The following RPS6KA2 variants were observed in gnomAD, a reference collection of about 807,000 sequenced individuals.
RPS6KA2 encodes ribosomal protein S6 kinase A2.
Under a neutral mutation model 91.8 loss-of-function variants are expected in RPS6KA2, and 42 were observed. That is an observed-to-expected ratio of 0.46 (90% CI 0.36 to 0.59). The LOEUF (loss-of-function observed/expected upper bound fraction) is 0.59, where lower values mean the gene tolerates loss of function less well. Among genes scored for constraint, RPS6KA2 ranks in the 20% least tolerant of loss-of-function variants. The pLI, the probability that RPS6KA2 is intolerant of heterozygous loss-of-function variation, is 0.00. For synonymous variants in RPS6KA2, 414 were observed against 393.6 expected, an observed-to-expected ratio of 1.05 and a Z score of -0.61; for missense variants, 798 against 978.5, an observed-to-expected ratio of 0.82 and a Z score of 2.46.
At chr6:166,580,434 G>A (rs1433088122) in intron 1 of RPS6KA2, among the ~76,000 whole-genome samples, 1 of 152,138 alleles carries the variant, frequency 6.6e-6, no homozygotes, top group Non-Finnish European at 1.5e-5. Context: ...CATTGTCTTG[G>A]GCCACACATA....
Position 166,733,041 on chromosome 6 carries a change from G to C in RPS6KA2, c.123+125159C>G. ...TTGCATCGGATTTCTGGAGGTTTGG[G>C]ACCCTCTTTGCAGAAGCTTTCACGA... On this transcript the variant is annotated intron_variant, in intron 2 of 21. Transcript: ENST00000503859. The surrounding 1 kb of genome is among the most constrained non-coding windows in gnomAD (Gnocchi z 4.1). Among the ~76,000 whole-genome samples, 1 of 152,148 alleles carries C rather than the reference G, an allele frequency of 6.6e-6. No homozygotes were observed. Among genetic ancestry groups the C allele is most frequent in the East Asian group, 1.9e-4 (1 of 5,190 alleles).
At chr6:166,438,694 C>T (rs1462643835) in intron 14 of RPS6KA2, among the ~76,000 whole-genome samples, 2 of 152,158 alleles carry the variant, frequency 1.3e-5, no homozygotes, top group Admixed American at 1.3e-4. Context: ...TGAACAGGCA[C>T]GTATATTGGT....
At chr6:166,727,676 G>A (rs1409295085) in intron 2 of RPS6KA2, among the ~76,000 whole-genome samples, 1 of 152,096 alleles carries the variant, frequency 6.6e-6, no homozygotes, top group Non-Finnish European at 1.5e-5. Context: ...TAAAGCACCA[G>A]CACCCTAAGT....
chr6:166,461,252 A>G (rs1780277296), intron 11 of RPS6KA2, among the ~76,000 whole-genome samples: 1 of 152,040 alleles, frequency 6.6e-6, no homozygotes, highest in Non-Finnish European at 1.5e-5. Flanking sequence ...TCTTCAAGCC[A>G]TTTTCAGAAA....
At position 166,719,022 on chromosome 6, in the gene RPS6KA2, G is replaced by A. The variant is rs139457181; in HGVS notation, c.123+139178C>T. Among the ~76,000 whole-genome samples the A allele has an allele frequency of 2.0e-3, 299 of 152,306 alleles. 1 individual carries two copies. The highest frequency in any genetic ancestry group is 6.3e-3 in the Admixed American group (97 of 15,298). ...AAGGCCAATATACTTGGCACCAGCC[G>A]GCAAACTTTTCTCTACATGTACAGG... On this transcript the variant is annotated intron_variant, in intron 2 of 21. Coordinates refer to the RPS6KA2 transcript ENST00000503859.
chr6:166,647,019 G>A (rs1358248609), intron 2 of RPS6KA2, among the ~76,000 whole-genome samples: 3 of 152,264 alleles, frequency 2.0e-5, no homozygotes, highest in South Asian at 4.1e-4. Flanking sequence ...AGAGCCACAG[G>A]TCCCAAAGCC....
chr6:166,412,783 T>A lies in RPS6KA2; in HGVS notation c.2181A>T (p.Arg727Ser). 1 of 1,598,124 alleles carries A rather than the reference T, an allele frequency of 6.3e-7. No individual in the cohort carries two copies. Among genetic ancestry groups the A allele is most frequent in the Admixed American group, 1.7e-5 (1 of 57,542 alleles). ...CCCGCTACAGCCGCGTGGACGTGAG[T>A]CTCTTCATGCCTCTGCGCTGAGCCA... ...SNLAQRRGMK[R>S]LTSTRL The change falls in exon 21 of 21, where the codon AGA becomes AGT. Residue 727 changes from arginine to serine, a missense_variant. Arg to Ser is a moderately radical substitution (Grantham distance 110). Transcript: ENST00000265678. This position sits in a 1 kb window ranked among gnomAD's most constrained non-coding sequence, Gnocchi z 4.3.
At chr6:166,594,040 A>C (rs1298073544) in intron 1 of RPS6KA2, among the ~76,000 whole-genome samples, 1 of 152,254 alleles carries the variant, frequency 6.6e-6, no homozygotes, top group Non-Finnish European at 1.5e-5. Context: ...AAGACCGTTC[A>C]TCATAGGGGT....
At position 166,849,215 on chromosome 6, in the gene RPS6KA2, C is replaced by G. The variant is rs1180295496; in HGVS notation, c.123+8985G>C. On this transcript the variant is annotated intron_variant, in intron 2 of 21. Coordinates refer to the RPS6KA2 transcript ENST00000503859. The surrounding 1 kb of genome is among the most constrained non-coding windows in gnomAD (Gnocchi z 4.9). The stretch of plus-strand genomic sequence containing the variant: ...CTGGTCTTGCTGGTTGGTTTCTTCT[C>G]ATCAGTCAGGTCGTGGCCTAAACAT... Among the ~76,000 whole-genome samples, 1 of 152,154 alleles carries G rather than the reference C, an allele frequency of 6.6e-6. No homozygotes were observed. The highest frequency in any genetic ancestry group is 6.5e-5 in the Admixed American group (1 of 15,284).
At chr6:166,856,545 CT>C (rs1780908947) in intron 2 of RPS6KA2, among the ~76,000 whole-genome samples, 1 of 152,182 alleles carries the variant, frequency 6.6e-6, no homozygotes, top group Non-Finnish European at 1.5e-5. Context: ...TCAACTGAAC[CT>C]AGCAGAATGA....
intron 1 of RPS6KA2, among the ~76,000 whole-genome samples, chr6:166,555,611 C>T (rs951240465): frequency 2.0e-5 from 3 of 151,946 alleles, no homozygotes; most frequent in Non-Finnish European, 4.4e-5. Flanking sequence ...AGGGATGCTA[C>T]GATTGAGCCT....
chr6:166,682,604 T>C (rs746311496), intron 2 of RPS6KA2, among the ~76,000 whole-genome samples: 26 of 152,316 alleles, frequency 1.7e-4, no homozygotes, highest in Non-Finnish European at 3.2e-4. Flanking sequence ...CATAATTAGC[T>C]GTCGAATAAG....
At chr6:166,558,606 T>C (rs887961296) in intron 1 of RPS6KA2, among the ~76,000 whole-genome samples, 1 of 152,134 alleles carries the variant, frequency 6.6e-6, no homozygotes, top group Non-Finnish European at 1.5e-5. Flanking sequence ...GCAAGCGGTG[T>C]CTCAGCCATT....
intron 11 of RPS6KA2, among the ~76,000 whole-genome samples, chr6:166,465,778 AGTCT>A (rs1407226448): frequency 2.0e-5 from 3 of 152,198 alleles, no homozygotes; most frequent in Non-Finnish European, 2.9e-5. Context: ...CAGACTCCTC[AGTCT>A]GTGAGCAGCT....
At chr6:166,862,315 C>G (rs1781066320) in exon 1 of RPS6KA2, 3 of 1,529,784 alleles carry the variant, frequency 2.0e-6, no homozygotes, top group Admixed American at 3.8e-5. Flanking sequence ...ATGGAGAGGA[C>G]AGATCCGGCT....
At chr6:166,632,980 C>T (rs1349498849) in intron 2 of RPS6KA2, among the ~76,000 whole-genome samples, 2 of 152,106 alleles carry the variant, frequency 1.3e-5, no homozygotes, top group East Asian at 1.9e-4. Context: ...TTCGGGAGGC[C>T]GAGATGGGCA....
intron 3 of RPS6KA2, among the ~76,000 whole-genome samples, chr6:166,512,264 G>A (rs1769169536): frequency 6.6e-6 from 1 of 152,178 alleles, no homozygotes; most frequent in South Asian, 2.1e-4. Flanking sequence ...GTTGCCCAGA[G>A]TAGCCAGAAT....
At position 166,770,051 on chromosome 6, in the gene RPS6KA2, A is replaced by G. The variant is rs1778423588; in HGVS notation, c.123+88149T>C. The stretch of plus-strand genomic sequence containing the variant: ...AATGTAGATGAACATAAGCTCAACC[A>G]GAAACCAACTTCCAATGACCCGTTT... On this transcript the variant is annotated intron_variant, in intron 2 of 21. Coordinates refer to the RPS6KA2 transcript ENST00000503859. This position sits in a 1 kb window ranked among gnomAD's most constrained non-coding sequence, Gnocchi z 5.1. Among the ~76,000 whole-genome samples the G allele has an allele frequency of 6.6e-6, 1 of 152,236 alleles. No individual in the cohort carries two copies.
In RPS6KA2 at chr6:166,732,685, C is replaced by T. The variant is rs750183456; in HGVS notation, c.123+125515G>A. 1.3e-5 allele frequency among the ~76,000 whole-genome samples: 2 copies of T among 152,176 alleles called. No homozygotes were observed. Among genetic ancestry groups the T allele is most frequent in the African/African-American group, 4.8e-5 (2 of 41,426 alleles). On this transcript the variant is annotated intron_variant, in intron 2 of 21. Transcript: ENST00000503859. This position sits in a 1 kb window ranked among gnomAD's most constrained non-coding sequence, Gnocchi z 4.0. ...TAGGGGATGGAAGCGCAAAGAAGCTCGGAGCTCCCACAGATGATGTTAGGT... is the reference window on the plus strand; with the variant it reads ...TAGGGGATGGAAGCGCAAAGAAGCTTGGAGCTCCCACAGATGATGTTAGGT...
Sources: allele counts gnomAD v4.1 joint callset (sites outside exome capture counted in the v4.1 genomes callset), GRCh38; gene constraint gnomAD v4.1.1; non-coding constraint Gnocchi (gnomAD v3.1); transcripts MANE v1.5; gene names NCBI Gene and HGNC (gene_info 2026-07-23, HGNC 2026-07-21).